SORCS3: variants seen among roughly 807,000 people sequenced by gnomAD.
The protein encoded by SORCS3 is sortilin related VPS10 domain containing receptor 3.
SORCS3 carries 57 observed loss-of-function variants against 146.3 expected under a neutral mutation model. That is an observed-to-expected ratio of 0.39 (90% CI 0.31 to 0.49). The LOEUF (loss-of-function observed/expected upper bound fraction) is 0.49. Among genes scored for constraint, SORCS3 ranks in the 20% least tolerant of loss-of-function variants. The pLI, the probability that SORCS3 is intolerant of heterozygous loss-of-function variation, is 0.92. For missense variants in SORCS3, 1,341 were observed against 1,575.5 expected, an observed-to-expected ratio of 0.85 and a Z score of 2.52; for synonymous variants, 653 against 618.5, an observed-to-expected ratio of 1.06 and a Z score of -0.83.
At position 104,713,021 on chromosome 10, in the gene SORCS3, T is replaced by C. The variant is rs1004400104; in HGVS notation, c.627+71067T>C. On this transcript the variant is annotated intron_variant, in intron 1 of 26. Transcript: ENST00000369701. ...ACAGGATTTAAAGTAACTGGGCAGGTTTTATTTATTTTCAAGATGTGCATT... is the reference window on the plus strand; with the variant it reads ...ACAGGATTTAAAGTAACTGGGCAGGCTTTATTTATTTTCAAGATGTGCATT... Among the ~76,000 whole-genome samples the C allele has an allele frequency of 2.0e-5, 3 of 152,002 alleles. No homozygotes were observed. In the East Asian group the frequency reaches 5.8e-4, roughly 29 times the overall value.
intron 1 of SORCS3, among the ~76,000 whole-genome samples, chr10:104,778,309 A>G (rs945540083): frequency 2.6e-5 from 4 of 152,170 alleles, no homozygotes; most frequent in Non-Finnish European, 5.9e-5. Context: ...GGGAATTGGT[A>G]TTGTTACTCT....
chr10:104,745,120 G>A (rs1418222906), intron 1 of SORCS3, among the ~76,000 whole-genome samples: 9 of 152,168 alleles, frequency 5.9e-5, no homozygotes, highest in South Asian at 2.1e-4. Context: ...CATGGTGAAC[G>A]TGGCTACAAG....
At chr10:104,990,648 T>C (rs552840094) in intron 4 of SORCS3, among the ~76,000 whole-genome samples, 1 of 152,292 alleles carries the variant, frequency 6.6e-6, no homozygotes, top group Admixed American at 6.5e-5. Context: ...AGGGACTTTA[T>C]AGAGGTGATT....
intron 2 of SORCS3, among the ~76,000 whole-genome samples, chr10:104,857,656 T>G (rs1291027031): frequency 6.6e-6 from 1 of 152,178 alleles, no homozygotes; most frequent in East Asian, 1.9e-4. Context: ...ATCTCTGGCT[T>G]TCCATTGTAT....
intron 6 of SORCS3, among the ~76,000 whole-genome samples, chr10:105,101,314 C>T (rs545404065): frequency 4.6e-5 from 7 of 152,278 alleles, no homozygotes; most frequent in East Asian, 1.9e-4. Context: ...AGTTCCTCCA[C>T]GACCCTGAGT....
chr10:104,851,189 G>A (rs1422792728), intron 2 of SORCS3, among the ~76,000 whole-genome samples: 1 of 152,176 alleles, frequency 6.6e-6, no homozygotes, highest in East Asian at 1.9e-4. Context: ...CTGGATTACA[G>A]ATTTAATATT....
chr10:105,167,828 C>A (rs1200481529), intron 13 of SORCS3, among the ~76,000 whole-genome samples: 1 of 152,110 alleles, frequency 6.6e-6, no homozygotes, highest in African/African-American at 2.4e-5. Flanking sequence ...AAGTCATTAA[C>A]CACTAGGTGG....
At chr10:105,199,969 GT>G in intron 14 of SORCS3, 29 bp from the exon 15 acceptor site, 1 of 1,533,096 alleles carries the variant, frequency 6.5e-7, no homozygotes. Flanking sequence ...TTCTCCCCTT[GT>G]GTCTCCCACT....
At chr10:104,856,079 C>T (rs116225480) in intron 2 of SORCS3, among the ~76,000 whole-genome samples, 1,702 of 152,106 alleles carry the variant, frequency 0.011, 34 homozygotes, top group African/African-American at 0.039. Context: ...CGGTGCTAGG[C>T]GTTTTCTGAA....
intron 4 of SORCS3, among the ~76,000 whole-genome samples, chr10:104,978,659 A>G (rs890566516): frequency 3.9e-5 from 6 of 152,160 alleles, no homozygotes; most frequent in African/African-American, 1.4e-4. Context: ...ACCACTTCTA[A>G]ATATCTTTTG....
intron 1 of SORCS3, among the ~76,000 whole-genome samples, chr10:104,794,639 G>A (rs1362058675): frequency 8.6e-5 from 13 of 151,380 alleles, no homozygotes; most frequent in Admixed American, 5.3e-4. Context: ...GAGAGAGAGA[G>A]AGAGAGAGAG....
At chr10:104,694,591 G>A (rs1050485322) in intron 1 of SORCS3, among the ~76,000 whole-genome samples, 1 of 152,132 alleles carries the variant, frequency 6.6e-6, no homozygotes, top group Non-Finnish European at 1.5e-5. Flanking sequence ...CCTGGGGGCA[G>A]CCTGTGTCCA....
chr10:105,116,269 G>A (rs2055892920), intron 7 of SORCS3, among the ~76,000 whole-genome samples: 1 of 152,146 alleles, frequency 6.6e-6, no homozygotes, highest in Admixed American at 6.5e-5. Context: ...CTATCACCTT[G>A]CCTCACCTGC....
At chr10:105,045,996 A>T (rs1486019439) in intron 5 of SORCS3, among the ~76,000 whole-genome samples, 1 of 152,132 alleles carries the variant, frequency 6.6e-6, no homozygotes, top group Non-Finnish European at 1.5e-5. Context: ...GCTGAACATT[A>T]TTGTTCTCTA....
At chr10:104,823,316 G>A (rs115389413) in intron 1 of SORCS3, among the ~76,000 whole-genome samples, 1,971 of 152,316 alleles carry the variant, frequency 0.013, 30 homozygotes, top group African/African-American at 0.036. Context: ...CCTCCCCTAT[G>A]TGTTGGATTG....
intron 1 of SORCS3, among the ~76,000 whole-genome samples, chr10:104,790,401 C>T (rs570601405): frequency 1.3e-5 from 2 of 152,134 alleles, no homozygotes; most frequent in African/African-American, 4.8e-5. Context: ...AGATCCTTTT[C>T]CAGATGGTGG....
chr10:105,038,797 AT>A (rs1335534585), intron 4 of SORCS3, among the ~76,000 whole-genome samples: 1 of 152,176 alleles, frequency 6.6e-6, no homozygotes, highest in Non-Finnish European at 1.5e-5. Flanking sequence ...TGTCATGAGA[AT>A]TTTAATATCC....
chr10:104,776,531 C>A (rs529392521), intron 1 of SORCS3, among the ~76,000 whole-genome samples: 2 of 152,150 alleles, frequency 1.3e-5, no homozygotes, highest in African/African-American at 4.8e-5. Context: ...TCAGGTCACA[C>A]TCTGCTAGTG....
chr10:104,757,553 G>A (rs865955165), intron 1 of SORCS3, among the ~76,000 whole-genome samples: 1 of 152,126 alleles, frequency 6.6e-6, no homozygotes, highest in Non-Finnish European at 1.5e-5. Flanking sequence ...CCACAGAGCC[G>A]ATGCCTTGTG....
Sources: gnomAD v4.1 joint callset for allele counts (sites outside exome capture counted in the v4.1 genomes callset) on GRCh38, gnomAD v4.1.1 for gene constraint, MANE v1.5 for transcripts, NCBI Gene and HGNC (gene_info 2026-07-23, HGNC 2026-07-21) for gene names.